The following MINPP1 variants were observed in gnomAD, a reference collection of about 807,000 sequenced individuals.
The protein encoded by MINPP1 is multiple inositol polyphosphate phosphatase 1.
In MINPP1, 28 loss-of-function variants were observed where a neutral mutation model predicts 46.1. That is an observed-to-expected ratio of 0.61 (90% CI 0.45 to 0.83). The LOEUF (loss-of-function observed/expected upper bound fraction) is 0.83, where lower values mean the gene tolerates loss of function less well. Ranked by LOEUF, MINPP1 falls within the 40% of genes least tolerant of loss-of-function variation. The pLI, the probability that MINPP1 is intolerant of heterozygous loss-of-function variation, is 0.00. For synonymous variants in MINPP1, 268 were observed against 249.1 expected (o/e 1.08, Z -0.72); for missense variants, 603 against 610.0 (o/e 0.99, Z 0.12).
chr10:87,548,469 T>A (rs995949528), intron 4 of MINPP1, among the ~76,000 whole-genome samples: 40 of 152,300 alleles, frequency 2.6e-4, no homozygotes, highest in African/African-American at 8.9e-4. Context: ...GAGTGCAGCT[T>A]ATTTGCCCAG....
At chr10:87,532,276 T>G (rs1330080647) in intron 4 of MINPP1, among the ~76,000 whole-genome samples, 1 of 152,216 alleles carries the variant, frequency 6.6e-6, no homozygotes, top group Non-Finnish European at 1.5e-5. Flanking sequence ...AAAGGAAAAT[T>G]CATTCAACAA....
chr10:87,524,132 G>GTTTTGTCTACATTGAAAATCTGC (rs1851541694), intron 4 of MINPP1, among the ~76,000 whole-genome samples: 1 of 152,242 alleles, frequency 6.6e-6, no homozygotes, highest in East Asian at 1.9e-4. Context: ...AAAGAAGGCT[G>GTTTTGTCTACATTGAAAATCTGC]TTTTGTCTAC....
chr10:87,524,144 T>C (rs1322037453), intron 4 of MINPP1, among the ~76,000 whole-genome samples: 1 of 152,252 alleles, frequency 6.6e-6, no homozygotes, highest in African/African-American at 2.4e-5. Flanking sequence ...TTTGTCTACA[T>C]TGAAAATCTG....
chr10:87,544,572 A>G (rs923533607), intron 4 of MINPP1, among the ~76,000 whole-genome samples: 1 of 152,160 alleles, frequency 6.6e-6, no homozygotes, highest in Non-Finnish European at 1.5e-5. Context: ...ATCAATCAAC[A>G]TGAGCATGCA....
chr10:87,508,176 A>G (rs995685951), intron 1 of MINPP1, 160 bp from the exon 2 acceptor site: 23 of 1,544,434 alleles, frequency 1.5e-5, no homozygotes, highest in Non-Finnish European at 2.0e-5. Context: ...AATGGGGAAT[A>G]ATTTTACCCC....
chr10:87,546,500 A>G (rs1301691906), intron 4 of MINPP1: 11 of 152,370 alleles, frequency 7.2e-5, no homozygotes, highest in African/African-American at 2.6e-4. Flanking sequence ...GTTCTGCCGA[A>G]TTATCTCAAT....
At chr10:87,533,687 C>T (rs1165427249) in intron 4 of MINPP1, among the ~76,000 whole-genome samples, 1 of 152,040 alleles carries the variant, frequency 6.6e-6, no homozygotes, top group Non-Finnish European at 1.5e-5. Context: ...CTAAATACCT[C>T]AACTCTCAGT....
In MINPP1 at chr10:87,508,409, T is replaced by C. The variant is rs780326945; in HGVS notation, c.711T>C (p.Thr237=). 1 of 1,613,482 alleles carries C rather than the reference T, an allele frequency of 6.2e-7. No homozygotes were observed. The highest frequency in any genetic ancestry group is 8.5e-7 in the Non-Finnish European group (1 of 1,179,758). Residue 237 remains threonine (T), a synonymous_variant, in exon 2 of 5, where the codon ACT becomes ACC. Transcript: ENST00000371996. The part of the protein sequence containing the change: ...RFFDHCEKFL[T]EVEKNATALY... ...TTGATCACTGTGAGAAGTTTTTAAC[T>C]GAAGTAGAAAAAAATGCTACAGCTC...
At chr10:87,527,828 G>T (rs192283265) in intron 4 of MINPP1, among the ~76,000 whole-genome samples, 2 of 152,012 alleles carry the variant, frequency 1.3e-5, no homozygotes, top group African/African-American at 2.4e-5. Flanking sequence ...CTGTGAATCC[G>T]TCTGGTCCTG....
At chr10:87,528,849 T>A (rs1281425904) in intron 4 of MINPP1, among the ~76,000 whole-genome samples, 1 of 152,208 alleles carries the variant, frequency 6.6e-6, no homozygotes, top group Non-Finnish European at 1.5e-5. Context: ...AGTCTAAGTC[T>A]CTTTGTAGGT....
chr10:87,506,251 G>A (rs372115651), intron 1 of MINPP1, among the ~76,000 whole-genome samples: 1 of 151,642 alleles, frequency 6.6e-6, no homozygotes, highest in Non-Finnish European at 1.5e-5. Flanking sequence ...ATCTAGTAAG[G>A]CCCCGTTATT....
At chr10:87,521,597 T>TC (rs1174225705) in intron 4 of MINPP1, among the ~76,000 whole-genome samples, 1 of 152,186 alleles carries the variant, frequency 6.6e-6, no homozygotes, top group Non-Finnish European at 1.5e-5. Flanking sequence ...TTGCTTTGTT[T>TC]CCCCCCTCAA....
chr10:87,512,097 G>T (rs1851343271), intron 2 of MINPP1, among the ~76,000 whole-genome samples: 2 of 152,128 alleles, frequency 1.3e-5, no homozygotes, highest in Admixed American at 1.3e-4. Flanking sequence ...GGCAACCACT[G>T]CAGTTGACTT....
rs1851976947 is a variant in MINPP1, at chr10:87,552,334, A to G, written c.1320A>G (p.Glu440=). ...EQFRVQMLLN[E]KVLPLAYSQE... Reference sequence around the variant, plus strand: ...TCCGAGTGCAGATGTTATTAAATGAAAAGGTGTTACCTTTGGCTTACTCAC... The same window carrying G: ...TCCGAGTGCAGATGTTATTAAATGAGAAGGTGTTACCTTTGGCTTACTCAC... Residue 440 remains glutamate, a synonymous_variant, in exon 5 of 5, where the codon GAA becomes GAG. Transcript: ENST00000371996. 3 of 1,613,814 alleles carry G rather than the reference A, an allele frequency of 1.9e-6. No individual in the cohort carries two copies. The highest frequency in any genetic ancestry group is 2.7e-5 in the African/African-American group (2 of 75,040).
Position 87,505,663 on chromosome 10 carries a change from C to T in MINPP1, c.637+111C>T, listed in dbSNP as rs545606147. 1 of 1,027,956 alleles carries T rather than the reference C, an allele frequency of 9.7e-7. No individual in the cohort carries two copies. The highest frequency in any genetic ancestry group is 1.6e-5 in the African/African-American group (1 of 62,684). The allele number at this position is 1,027,956 out of a possible 1,614,324, so 63.7% of individuals were successfully genotyped here. A position where few individuals can be genotyped will look rare whatever the true frequency, so the allele number is the denominator to read the frequency against. On this transcript the variant is annotated intron_variant, in intron 1 of 4. Coordinates refer to ENST00000371996, the MANE Select transcript of MINPP1 (RefSeq NM_004897.5). The surrounding 1 kb of genome is among the most constrained non-coding windows in gnomAD (Gnocchi z 4.4). ...CCGATGCCCCCCAGTTCTCTTTCCTCTTTTCCCAAGCCATCATCCCTCGGG... is the reference window on the plus strand; with the variant it reads ...CCGATGCCCCCCAGTTCTCTTTCCTTTTTTCCCAAGCCATCATCCCTCGGG...
Position 87,508,531 on chromosome 10 carries a change from C to A in MINPP1, c.833C>A (p.Ala278Glu), listed in dbSNP as rs781108940. 5.0e-6 allele frequency: 8 copies of A among 1,609,398 alleles called. No individual in the cohort carries two copies. Among genetic ancestry groups the A allele is most frequent in the Non-Finnish European group, 6.8e-6 (8 of 1,176,080 alleles). The change falls in exon 2 of 5, where the codon GCA (alanine) becomes GAA (glutamate). Residue 278 changes from alanine to glutamate, a missense_variant and splice_region_variant. Around this residue, in one of 3 missense-constraint regions of MINPP1, gnomAD observed 344 missense variants for 381.1 expected, o/e 0.90. Coordinates refer to ENST00000371996, the MANE Select transcript of MINPP1 (RefSeq NM_004897.5). ...TLQVPVNDLNADLIQVAFFTC... is the reference protein window; with the variant it reads ...TLQVPVNDLNEDLIQVAFFTC... ...CAAGTGCCAGTAAATGATTTAAATGCAGGTAATATGTCTGTTGTCTTTTAT... is the reference window on the plus strand; with the variant it reads ...CAAGTGCCAGTAAATGATTTAAATGAAGGTAATATGTCTGTTGTCTTTTAT...
intron 4 of MINPP1, among the ~76,000 whole-genome samples, chr10:87,535,945 T>G (rs1851729640): frequency 6.6e-6 from 1 of 151,900 alleles, no homozygotes; most frequent in South Asian, 2.1e-4. Context: ...AATAAATAAA[T>G]AAATTAAGAT....
Position 87,516,072 on chromosome 10 carries a change from G to A in MINPP1, c.933+2851G>A, listed in dbSNP as rs1209670484. Among the ~76,000 whole-genome samples the A allele has an allele frequency of 3.3e-5, 2 of 61,438 alleles. 1 individual carries two copies. Among genetic ancestry groups the A allele is most frequent in the African/African-American group, 8.4e-5 (2 of 23,752 alleles). The allele number at this position is 61,438 out of a possible 152,430, so 40.3% of individuals were successfully genotyped here. ...TCGAACTCCTGAACTCAAGTGATCC[G>A]CCCGCCTCACCCTCCCAAAGTGCTG... On this transcript the variant is annotated intron_variant, in intron 3 of 4. Coordinates refer to ENST00000371996, the MANE Select transcript of MINPP1 (RefSeq NM_004897.5).
chr10:87,527,298 T>C lies in MINPP1; in HGVS notation c.1067+6129T>C, dbSNP rs543236186. Among the ~76,000 whole-genome samples the C allele has an allele frequency of 1.4e-4, 22 of 152,120 alleles. No homozygotes were observed. The South Asian group carries it at 1.7e-3, about 11-fold the overall frequency. On this transcript the variant is annotated intron_variant, in intron 4 of 4. Coordinates refer to ENST00000371996, the MANE Select transcript of MINPP1 (RefSeq NM_004897.5). ...TGTGAATGGGAGTTCACTCATGATT[T>C]GGCTCTATGTTGAGTAGGAGTGGTG...
Sources: allele counts gnomAD v4.1 joint callset (sites outside exome capture counted in the v4.1 genomes callset), GRCh38; gene constraint gnomAD v4.1.1; regional missense constraint gnomAD v4.1.1; non-coding constraint Gnocchi (gnomAD v3.1); transcripts MANE v1.5; gene names NCBI Gene and HGNC (gene_info 2026-07-23, HGNC 2026-07-21).